Variants in GREB1L observed in about 807,000 individuals in gnomAD.
GREB1L encodes GREB1-like protein.
In GREB1L, 17 loss-of-function variants were observed where a neutral mutation model predicts 200.8. The observed-to-expected ratio is 0.08, with a 90% confidence interval of 0.06 to 0.13. The LOEUF (loss-of-function observed/expected upper bound fraction) is 0.13, where lower values mean the gene tolerates loss of function less well. Ranked by LOEUF, GREB1L falls within the 10% of genes least tolerant of loss-of-function variation. GREB1L has a pLI of 1.00. For missense variants in GREB1L, 1,657 were observed against 2,367.7 expected (o/e 0.70, Z 6.23); for synonymous variants, 789 against 893.0 (o/e 0.88, Z 2.08).
At chr18:21,306,452 T>C (rs1016001742) in intron 1 of GREB1L, among the ~76,000 whole-genome samples, 2 of 152,234 alleles carry the variant, frequency 1.3e-5, no homozygotes, top group African/African-American at 4.8e-5. Context: ...GTAATGCCTG[T>C]GTATATAAAC....
chr18:21,247,350 T>C (rs1195964424), intron 1 of GREB1L, among the ~76,000 whole-genome samples: 2 of 152,204 alleles, frequency 1.3e-5, no homozygotes, highest in African/African-American at 4.8e-5. Flanking sequence ...TCTTCAGCAG[T>C]CCCTACAGTA....
At chr18:21,354,144 G>A (rs2039472770) in intron 1 of GREB1L, among the ~76,000 whole-genome samples, 1 of 152,002 alleles carries the variant, frequency 6.6e-6, no homozygotes, top group Non-Finnish European at 1.5e-5. Context: ...ATTATTTTAG[G>A]ATCATTAAAT....
intron 1 of GREB1L, among the ~76,000 whole-genome samples, chr18:21,342,083 A>G (rs932207682): frequency 3.3e-5 from 5 of 152,126 alleles, no homozygotes; most frequent in African/African-American, 1.2e-4. Flanking sequence ...TAGCATTTAA[A>G]TTATTGGAAC....
intron 1 of GREB1L, among the ~76,000 whole-genome samples, chr18:21,336,839 C>T (rs1194613784): frequency 6.6e-6 from 1 of 152,188 alleles, no homozygotes; most frequent in East Asian, 1.9e-4. Flanking sequence ...TGCAGACTCC[C>T]TGTGCATCTT....
At chr18:21,434,280 G>A (rs2145145433) in intron 7 of GREB1L, among the ~76,000 whole-genome samples, 1 of 152,164 alleles carries the variant, frequency 6.6e-6, no homozygotes, top group Non-Finnish European at 1.5e-5. Flanking sequence ...TTCGAGACCA[G>A]CCTGGCCAAC....
At chr18:21,445,634 A>G (rs530166796) in intron 11 of GREB1L, among the ~76,000 whole-genome samples, 1 of 152,356 alleles carries the variant, frequency 6.6e-6, no homozygotes, top group South Asian at 2.1e-4. Flanking sequence ...AAAGAAAGAA[A>G]AAAGCTTTAT....
intron 1 of GREB1L, among the ~76,000 whole-genome samples, chr18:21,304,886 T>C (rs1175998081): frequency 6.6e-6 from 1 of 152,198 alleles, no homozygotes. Flanking sequence ...GGCTGACTTC[T>C]TCCTGTTGTT....
chr18:21,495,263 C>A (rs1229976204), intron 19 of GREB1L, among the ~76,000 whole-genome samples: 1 of 152,182 alleles, frequency 6.6e-6, no homozygotes, highest in Non-Finnish European at 1.5e-5. Flanking sequence ...GAGTCATTCA[C>A]AACTGAAACT....
intron 1 of GREB1L, among the ~76,000 whole-genome samples, chr18:21,343,150 G>A (rs1215963129): frequency 1.3e-5 from 2 of 151,710 alleles, no homozygotes; most frequent in Non-Finnish European, 2.9e-5. Context: ...AAAAAAGGGA[G>A]TTAGTCAGCA....
intron 14 of GREB1L, chr18:21,452,461 C>T: frequency 2.3e-6 from 1 of 427,790 alleles, no homozygotes; most frequent in African/African-American, 2.0e-5. Flanking sequence ...ATCTTAAGCA[C>T]TCTCTCTTTT....
In GREB1L at chr18:21,500,651, T is replaced by G; in HGVS notation, c.4072+9T>G. The G allele has an allele frequency of 6.5e-7, 1 of 1,527,608 alleles. No homozygotes were observed. The highest frequency in any genetic ancestry group is 1.2e-5 in the South Asian group (1 of 81,064). 94.6% of individuals were successfully genotyped at this position (1,527,608 alleles called of 1,614,324 possible). ...GGAGGAGATCAACACCGGTGAGTGC[T>G]GAGCCCAGGGAGTGGGCAGAGGGGC... On this transcript the variant is annotated intron_variant, in intron 23 of 32. Coordinates refer to ENST00000424526, the MANE Select transcript of GREB1L (RefSeq NM_001142966.3).
At chr18:21,365,539 T>C (rs889198455) in intron 1 of GREB1L, among the ~76,000 whole-genome samples, 2 of 152,190 alleles carry the variant, frequency 1.3e-5, no homozygotes, top group Non-Finnish European at 2.9e-5. Flanking sequence ...TTGCAGGCTT[T>C]CTTACTGGAA....
At chr18:21,308,919 A>G (rs1408057780) in intron 1 of GREB1L, among the ~76,000 whole-genome samples, 1 of 152,128 alleles carries the variant, frequency 6.6e-6, no homozygotes, top group South Asian at 2.1e-4. Context: ...TCCTACTTCT[A>G]TATGGTGACC....
chr18:21,318,703 C>G (rs1567934836), intron 1 of GREB1L, among the ~76,000 whole-genome samples: 1 of 152,186 alleles, frequency 6.6e-6, no homozygotes. Context: ...CAAAAACAAT[C>G]TGTGAGATGT....
intron 1 of GREB1L, among the ~76,000 whole-genome samples, chr18:21,302,564 C>A (rs2038634411): frequency 6.6e-6 from 1 of 152,248 alleles, no homozygotes; most frequent in South Asian, 2.1e-4. Flanking sequence ...GAAGGACTTC[C>A]TTACTGTACT....
intron 31 of GREB1L, among the ~76,000 whole-genome samples, chr18:21,520,005 C>T (rs1016373911): frequency 6.6e-6 from 1 of 151,720 alleles, no homozygotes; most frequent in Non-Finnish European, 1.5e-5. Flanking sequence ...AGTGCAACCT[C>T]GGCTCAGTGC....
At chr18:21,506,270 C>T (rs1457044740) in intron 25 of GREB1L, among the ~76,000 whole-genome samples, 1 of 152,070 alleles carries the variant, frequency 6.6e-6, no homozygotes, top group Admixed American at 6.6e-5. Context: ...TGGCACATGC[C>T]TGTAATCCCA....
rs2035623743 is a variant in GREB1L, at chr18:21,474,871, C to T, written c.2363+1660C>T. 3.3e-5 allele frequency among the ~76,000 whole-genome samples: 5 copies of T among 152,282 alleles called. No homozygotes were observed. The South Asian group carries it at 6.2e-4, about 19-fold the overall frequency. On this transcript the variant is annotated intron_variant, in intron 16 of 32. Coordinates refer to ENST00000424526, the MANE Select transcript of GREB1L (RefSeq NM_001142966.3). ...TTATGCAAATTTCTCCAGCCAGAAA[C>T]TCCCCCTTATGATACTATCAGATCT...
At chr18:21,353,513 A>G (rs1167940322) in intron 1 of GREB1L, among the ~76,000 whole-genome samples, 6 of 151,818 alleles carry the variant, frequency 4.0e-5, no homozygotes, top group African/African-American at 1.2e-4. Context: ...TTCTTTTTTC[A>G]TTTTATTTGT....
Sources: allele counts gnomAD v4.1 joint callset (sites outside exome capture counted in the v4.1 genomes callset), GRCh38; gene constraint gnomAD v4.1.1; transcripts MANE v1.5; gene names NCBI Gene and HGNC (gene_info 2026-07-23, HGNC 2026-07-21).